The following B4GALNT2 variants were observed in gnomAD, a reference collection of about 807,000 sequenced individuals.
The protein encoded by B4GALNT2 is beta-1,4-N-acetyl-galactosaminyltransferase 2 (SID blood group), also known as N-acetylneuraminylgalactosylglucosyl-glucoside beta-1,4-N- acetylgalactosaminyltransferase 2.
B4GALNT2 carries 42 observed loss-of-function variants against 51.1 expected under a neutral mutation model. The observed-to-expected ratio is 0.82, with a 90% CI of 0.64 to 1.06. The LOEUF (loss-of-function observed/expected upper bound fraction) is 1.06, where lower values mean the gene tolerates loss of function less well. B4GALNT2 is among the 50% of genes least tolerant of loss of function. The pLI is 0.00. For missense variants in B4GALNT2, 602 were observed against 633.6 expected (o/e 0.95, Z 0.54); for synonymous variants, 253 against 251.7 (o/e 1.01, Z -0.05).
chr17:49,120,386 G>A, the B4GALNT2 span, among the ~76,000 whole-genome samples: 1 of 152,134 alleles, frequency 6.6e-6, no homozygotes, highest in Admixed American at 6.5e-5. Flanking sequence ...GCTAGGAAAG[G>A]TCTCCTTGAG....
Position 49,146,070 on chromosome 17 carries a change from C to T in B4GALNT2, c.353+3898C>T, listed in dbSNP as rs116325396. 4.4e-3 allele frequency among the ~76,000 whole-genome samples: 663 copies of T among 152,228 alleles called. 7 individuals are homozygous for T. Among genetic ancestry groups the T allele is most frequent in the African/African-American group, 0.015 (637 of 41,546 alleles). On this transcript the variant is annotated intron_variant, in intron 3 of 10. Coordinates refer to ENST00000393354, the MANE Select transcript of B4GALNT2 (RefSeq NM_001159387.2). ...GTAGTGCTACTTCCCCTCTTTGATT[C>T]CTGGACCCGTGAATCCTGGCCATGG...
upstream of B4GALNT2, among the ~76,000 whole-genome samples, chr17:49,129,941 G>T (rs950791997): frequency 2.0e-5 from 3 of 152,232 alleles, no homozygotes; most frequent in Non-Finnish European, 4.4e-5. Flanking sequence ...GCTTGTCCAA[G>T]ATGGTGATGC....
chr17:49,173,587 G>A lies in B4GALNT2; in HGVS notation c.*3859G>A, dbSNP rs567127735. The A allele has an allele frequency of 6.6e-6, 1 of 152,324 alleles. No individual in the cohort carries two copies. Among genetic ancestry groups the A allele is most frequent in the East Asian group, 1.9e-4 (1 of 5,190 alleles). The allele number at this position is 152,324 out of a possible 1,614,324, so 9.4% of individuals were successfully genotyped here. A position where few individuals can be genotyped will look rare whatever the true frequency, so the allele number is the denominator to read the frequency against. ...AAAGTCAGCTAAATGGGTTTGCCAG[G>A]TAAGACTATTTATAAAAGCTTGCTC... is the stretch of plus-strand genomic sequence containing the variant. On this transcript the variant is annotated 3_prime_UTR_variant, in exon 11 of 11. Coordinates refer to ENST00000393354, the MANE Select transcript of B4GALNT2 (RefSeq NM_001159387.2).
chr17:49,137,376 GATTCCTCATAAAAGGACAA>G (rs1229760043), intron 1 of B4GALNT2, among the ~76,000 whole-genome samples: 7 of 152,102 alleles, frequency 4.6e-5, no homozygotes, highest in African/African-American at 1.4e-4. Context: ...AGTAGGAGTG[GATTCCTCATAAAAGGACAA>G]ATTCAGCCCC....
chr17:49,130,382 A>C (rs2078009673), upstream of B4GALNT2, among the ~76,000 whole-genome samples: 1 of 152,262 alleles, frequency 6.6e-6, no homozygotes, highest in African/African-American at 2.4e-5. Flanking sequence ...TAATGCCTGT[A>C]ATCCCAGCAC....
In B4GALNT2 at chr17:49,164,280, G is replaced by A. The variant is rs72835417; in HGVS notation, c.954+5G>A. The A allele has an allele frequency of 0.096, 153,724 of 1,606,868 alleles. 8,494 individuals carry two copies. Among genetic ancestry groups the A allele is most frequent in the Non-Finnish European group, 0.11 (131,207 of 1,173,538 alleles). Reference sequence around the variant, plus strand: ...TACACTATGCCCTTTGGGAAGGTATGTCCCTCTCAGATTGGGTGGCACCTG... The same window carrying A: ...TACACTATGCCCTTTGGGAAGGTATATCCCTCTCAGATTGGGTGGCACCTG... On this transcript the variant is annotated splice_donor_5th_base_variant and intron_variant, in intron 8 of 10. Transcript: ENST00000393354.
chr17:49,150,920 TA>T (rs910556438), intron 3 of B4GALNT2, among the ~76,000 whole-genome samples: 2 of 151,758 alleles, frequency 1.3e-5, no homozygotes, highest in Non-Finnish European at 2.9e-5. Flanking sequence ...AATGATCAAT[TA>T]AAAAAATAAT....
intron 3 of B4GALNT2, among the ~76,000 whole-genome samples, chr17:49,143,946 G>A (rs1402307895): frequency 2.0e-5 from 3 of 152,116 alleles, no homozygotes; most frequent in East Asian, 1.9e-4. Context: ...TCAGGAGTTC[G>A]AGGCCAGCCT....
chr17:49,136,251 T>A (rs1598195130), intron 1 of B4GALNT2, among the ~76,000 whole-genome samples: 1 of 151,848 alleles, frequency 6.6e-6, no homozygotes, highest in Admixed American at 6.5e-5. Flanking sequence ...CCTAATACAG[T>A]GGTAATTTGC....
At chr17:49,158,830 G>A (rs574326799) in intron 5 of B4GALNT2, among the ~76,000 whole-genome samples, 1 of 152,134 alleles carries the variant, frequency 6.6e-6, no homozygotes, top group African/African-American at 2.4e-5. Context: ...TCATCCTTGG[G>A]GCCCTAGGAC....
intron 8 of B4GALNT2, among the ~76,000 whole-genome samples, chr17:49,165,115 C>T (rs574363240): frequency 1.8e-4 from 28 of 152,178 alleles, no homozygotes; most frequent in African/African-American, 6.7e-4. Flanking sequence ...TACACTGCTC[C>T]CATCTTTCCT....
At position 49,168,690 on chromosome 17, in the gene B4GALNT2, A is replaced by C. The variant is rs1567868163; in HGVS notation, c.1105A>C (p.Ser369Arg). ...EKTELDVVGGSVLGNVFQFKL... is the reference protein window; with the variant it reads ...EKTELDVVGGRVLGNVFQFKL... ...TCTGCCTGCTGGCTAGGTAGGCGGC[A>C]GTGTGCTGGGAAATGTGTTCCAGTT... Residue 369 changes from serine to arginine, a missense_variant, in exon 10 of 11, where the codon AGT (serine) becomes CGT (arginine). Physicochemically the swap from Ser to Arg is moderately radical, Grantham distance 110. Coordinates refer to ENST00000393354, the MANE Select transcript of B4GALNT2 (RefSeq NM_001159387.2). 5.0e-6 allele frequency: 8 copies of C among 1,613,586 alleles called. No homozygotes were observed. The Admixed American group carries it at 5.0e-5, about 10-fold the overall frequency.
At chr17:49,126,168 G>T in the B4GALNT2 span, among the ~76,000 whole-genome samples, 19 of 152,128 alleles carry the variant, frequency 1.2e-4, no homozygotes, top group Admixed American at 5.2e-4. Flanking sequence ...AAAATTCTTC[G>T]GCCTTGGGAT....
chr17:49,142,203 T>A (rs767544957), intron 3 of B4GALNT2, 31 bp downstream of exon 3: 6 of 1,613,194 alleles, frequency 3.7e-6, no homozygotes, highest in Non-Finnish European at 5.1e-6. Context: ...CCTTGGGTTC[T>A]GAGATGGAAC....
Position 49,164,203 on chromosome 17 carries a change from G to A in B4GALNT2, c.882G>A (p.Val294=), listed in dbSNP as rs2042889994. The part of the protein sequence containing the change: ...REYYPDLTVI[V]ADDSQKPLEI... ...ATTACCCAGACTTGACCGTAATAGT[G>A]GCTGATGACAGCCAGAAGCCCCTGG... Residue 294 remains valine (V), a synonymous_variant, in exon 8 of 11, where the codon GTG becomes GTA. Coordinates refer to ENST00000393354, the MANE Select transcript of B4GALNT2 (RefSeq NM_001159387.2). The A allele has an allele frequency of 6.2e-7, 1 of 1,613,810 alleles. No homozygotes were observed. Among genetic ancestry groups the A allele is most frequent in the Non-Finnish European group, 8.5e-7 (1 of 1,179,712 alleles).
At position 49,142,121 on chromosome 17, in the gene B4GALNT2, T is replaced by C. The variant is rs750335597; in HGVS notation, c.302T>C (p.Leu101Pro). Residue 101 changes from leucine to proline, a missense_variant, in exon 3 of 11, where the codon CTC becomes CCC. By Grantham distance (98) the Leu-to-Pro change is moderately conservative (BLOSUM62 -3). Coordinates refer to ENST00000393354, the MANE Select transcript of B4GALNT2 (RefSeq NM_001159387.2). ...NFQDAYGQSDLPAVKARRQAE... is the reference protein window; with the variant it reads ...NFQDAYGQSDPPAVKARRQAE... ...CAGGATGCCTATGGCCAGAGCGACC[T>C]CCCAGCGGTGAAAGCGAGGAGACAG... 1 of 1,614,036 alleles carries C rather than the reference T, an allele frequency of 6.2e-7. No homozygotes were observed. The highest frequency in any genetic ancestry group is 1.1e-5 in the South Asian group (1 of 91,072).
Position 49,160,638 on chromosome 17 carries a change from C to G in B4GALNT2, c.763C>G (p.Pro255Ala). The G allele has an allele frequency of 6.2e-7, 1 of 1,613,732 alleles. No homozygotes were observed. Residue 255 changes from proline (P) to alanine (A), a missense_variant, in exon 7 of 11, where the codon CCA becomes GCA. Coordinates refer to ENST00000393354, the MANE Select transcript of B4GALNT2 (RefSeq NM_001159387.2). ...CATACCCAAGCTATACGACCCTGGACCAGGTAAGGCCCTTGTCCTTGGGGC... is the reference window on the plus strand; with the variant it reads ...CATACCCAAGCTATACGACCCTGGAGCAGGTAAGGCCCTTGTCCTTGGGGC... ...PVIPKLYDPG[P>A]ERKLRNLVTI... is the part of the protein sequence containing the mutation.
chr17:49,129,315 T>G (rs1353035552), upstream of B4GALNT2, among the ~76,000 whole-genome samples: 1 of 152,152 alleles, frequency 6.6e-6, no homozygotes, highest in Admixed American at 6.5e-5. Context: ...GAGGGCTCAC[T>G]GGAGAGTAGC....
intron 3 of B4GALNT2, among the ~76,000 whole-genome samples, chr17:49,151,523 G>A (rs954059468): frequency 6.6e-6 from 1 of 151,824 alleles, no homozygotes; most frequent in Admixed American, 6.6e-5. Flanking sequence ...CAAGGCATGC[G>A]GATCATAAGA....
Sources: allele counts gnomAD v4.1 joint callset (sites outside exome capture counted in the v4.1 genomes callset), GRCh38; gene constraint gnomAD v4.1.1; transcripts MANE v1.5; gene names NCBI Gene and HGNC (gene_info 2026-07-23, HGNC 2026-07-21).